SLC6A15: variants seen among roughly 807,000 people sequenced by gnomAD.
The protein encoded by SLC6A15 is solute carrier family 6 member 15, also known as sodium-dependent neutral amino acid transporter B(0)AT2.
Under a neutral mutation model 68.5 loss-of-function variants are expected in SLC6A15, and 33 were observed. The observed-to-expected ratio is 0.48, with a 90% CI of 0.37 to 0.64. The LOEUF (loss-of-function observed/expected upper bound fraction) is 0.64. Among genes scored for constraint, SLC6A15 ranks in the 30% least tolerant of loss-of-function variants. The probability of loss-of-function intolerance (pLI) is 0.00; values close to 1 mark genes in which losing one functional copy is unlikely to be tolerated. For synonymous variants in SLC6A15, 347 were observed against 301.0 expected, an observed-to-expected ratio of 1.15 and a Z score of -1.58; for missense variants, 747 against 874.3, an observed-to-expected ratio of 0.85 and a Z score of 1.84.
intron 1 of SLC6A15, among the ~76,000 whole-genome samples, chr12:84,907,305 G>T (rs568399666): frequency 6.6e-6 from 1 of 151,552 alleles, no homozygotes; most frequent in Non-Finnish European, 1.5e-5. Flanking sequence ...CTGAGATCGC[G>T]CCACTGAACT....
chr12:84,881,919 C>T (rs191668919), intron 5 of SLC6A15: 1,146 of 985,324 alleles, frequency 1.2e-3, no homozygotes, highest in Middle Eastern at 4.2e-3. Flanking sequence ...CCCATCAGTG[C>T]CTGTTAAATT....
Position 84,886,084 on chromosome 12 carries a change from C to A in SLC6A15, c.290-16G>T, listed in dbSNP as rs1555181593. On this transcript the variant is annotated splice_polypyrimidine_tract_variant and intron_variant, in intron 2 of 11. Transcript: ENST00000266682. ...AGATATGCACCTAAAGAAACAACAA[C>A]AAAAAATAGATTATATTTTCAATAC... The A allele has an allele frequency of 2.6e-6, 4 of 1,518,770 alleles. No homozygotes were observed. Among genetic ancestry groups the A allele is most frequent in the South Asian group, 1.2e-5 (1 of 85,514 alleles). 94.1% of individuals were successfully genotyped at this position (1,518,770 alleles called of 1,614,324 possible).
Position 84,885,505 on chromosome 12 carries a change from A to G in SLC6A15, c.504T>C (p.Tyr168=). The change falls in exon 4 of 12, where the codon TAT becomes TAC. Residue 168 remains tyrosine, a synonymous_variant. Coordinates refer to ENST00000266682, the MANE Select transcript of SLC6A15 (RefSeq NM_182767.6). ...GGGGTTGCTGAAAAGACTGAGAAAA[A>G]TAAAACAAACTCCAGCCAATGATGA... is the stretch of plus-strand genomic sequence containing the variant. The part of the protein sequence containing the change: ...YNVIIGWSLF[Y]FSQSFQQPLP... 1 of 1,613,682 alleles carries G rather than the reference A, an allele frequency of 6.2e-7. No individual in the cohort carries two copies. The highest frequency in any genetic ancestry group is 2.2e-5 in the East Asian group (1 of 44,790).
At chr12:84,867,240 AG>A (rs1213743579) in intron 9 of SLC6A15, 47 bp from the exon 10 acceptor site, 7 of 1,463,922 alleles carry the variant, frequency 4.8e-6, no homozygotes, top group African/African-American at 2.9e-5. Context: ...TTCAGAGACA[AG>A]GCCTTTAAAC....
intron 6 of SLC6A15, among the ~76,000 whole-genome samples, chr12:84,875,131 T>C (rs916356546): frequency 4.5e-4 from 68 of 152,276 alleles, no homozygotes; most frequent in African/African-American, 1.6e-3. Flanking sequence ...AATTGTCAGT[T>C]TAGAAAGAGA....
At chr12:84,904,235 G>GAGAGAGAGAGAA (rs1334662571) in intron 1 of SLC6A15, among the ~76,000 whole-genome samples, 2 of 151,136 alleles carry the variant, frequency 1.3e-5, no homozygotes, top group Non-Finnish European at 2.9e-5. Context: ...GAGAGAGAGA[G>GAGAGAGAGAGAA]AGAGAGAGAG....
At chr12:84,884,454 C>T (rs1026637578) in intron 4 of SLC6A15, among the ~76,000 whole-genome samples, 1 of 151,862 alleles carries the variant, frequency 6.6e-6, no homozygotes, top group South Asian at 2.1e-4. Flanking sequence ...TATAGACACC[C>T]GCCACCAAAC....
intron 4 of SLC6A15, among the ~76,000 whole-genome samples, 200 bp from the exon 5 acceptor site, chr12:84,884,240 T>C (rs1871973104): frequency 6.6e-6 from 1 of 152,214 alleles, no homozygotes. Flanking sequence ...ATATTTCTTA[T>C]GCAGTCCTGC....
At chr12:84,864,477 G>A (rs533634149) in intron 10 of SLC6A15, among the ~76,000 whole-genome samples, 3 of 151,446 alleles carry the variant, frequency 2.0e-5, no homozygotes, top group East Asian at 1.9e-4. Flanking sequence ...CCACCATCAC[G>A]CCCGGCTGAT....
chr12:84,885,271 A>G lies in SLC6A15; in HGVS notation c.574+164T>C, dbSNP rs1214715864. Among the ~76,000 whole-genome samples the G allele has an allele frequency of 3.3e-5, 5 of 152,160 alleles. No individual in the cohort carries two copies. In the East Asian group the frequency reaches 7.7e-4, roughly 23 times the overall value. ...AAAAATTAGATGGTCCCAAAAGTCT[A>G]TCTCTAAGAGTATGTCAATCCTGAA... is the stretch of plus-strand genomic sequence containing the variant. On this transcript the variant is annotated intron_variant, in intron 4 of 11. Coordinates refer to ENST00000266682, the MANE Select transcript of SLC6A15 (RefSeq NM_182767.6).
At chr12:84,889,345 C>T (rs1468857522) in intron 2 of SLC6A15, among the ~76,000 whole-genome samples, 1 of 151,876 alleles carries the variant, frequency 6.6e-6, no homozygotes, top group Admixed American at 6.6e-5. Flanking sequence ...AAAAAATTAG[C>T]TGGGCGCGGT....
At chr12:84,882,502 A>G (rs1034794559) in intron 5 of SLC6A15, 5 of 898,014 alleles carry the variant, frequency 5.6e-6, no homozygotes, top group Non-Finnish European at 6.7e-6. Context: ...AAAAGTCACT[A>G]AAATTTTTAA....
chr12:84,897,655 A>G (rs1278148214), intron 1 of SLC6A15, among the ~76,000 whole-genome samples: 3 of 152,148 alleles, frequency 2.0e-5, no homozygotes, highest in Non-Finnish European at 4.4e-5. Context: ...TTTCAATAAA[A>G]CTAAGAGAAA....
intron 2 of SLC6A15, among the ~76,000 whole-genome samples, chr12:84,891,455 C>A (rs558382006): frequency 2.0e-5 from 3 of 152,226 alleles, no homozygotes; most frequent in South Asian, 2.1e-4. Flanking sequence ...AGAGAAAATT[C>A]TCTGTTTTCC....
rs1196645189 is a variant in SLC6A15, at chr12:84,890,361, C to A, written c.289+1471G>T. On this transcript the variant is annotated intron_variant, in intron 2 of 11. Transcript: ENST00000266682. ...CAACCTGACTTTTCAGCCAAATCAGCTATCCTCCTTAATAGTGTGGTCAAT... is the reference window on the plus strand; with the variant it reads ...CAACCTGACTTTTCAGCCAAATCAGATATCCTCCTTAATAGTGTGGTCAAT... Among the ~76,000 whole-genome samples the A allele has an allele frequency of 3.9e-5, 6 of 152,040 alleles. No homozygotes were observed. The East Asian group carries it at 9.6e-4, about 24-fold the overall frequency.
At position 84,876,105 on chromosome 12, in the gene SLC6A15, A is replaced by G. The variant is rs1472220364; in HGVS notation, c.867+392T>C. Among the ~76,000 whole-genome samples the G allele has an allele frequency of 5.4e-5, 8 of 148,318 alleles. No individual in the cohort carries two copies. The South Asian group carries it at 8.5e-4, about 16-fold the overall frequency. On this transcript the variant is annotated intron_variant, in intron 6 of 11. Transcript: ENST00000266682. ...AATATGTTCATTTTTTTTTTTGGGA[A>G]AAAAAATCCTCGTCACTTTTTCAAA...
chr12:84,859,936 C>T lies in SLC6A15; in HGVS notation c.*1696G>A, dbSNP rs113574195. ...CCTTTAAAGATGGAGAATGGATGGC[C>T]AGGAGAAATGTTGGATGAGAACTTA... is the stretch of plus-strand genomic sequence containing the variant. On this transcript the variant is annotated 3_prime_UTR_variant, in exon 12 of 12. Transcript: ENST00000266682. The T allele has an allele frequency of 5.9e-5, 9 of 151,906 alleles. No individual in the cohort carries two copies. The highest frequency in any genetic ancestry group is 1.9e-4 in the African/African-American group (8 of 41,384). The allele number at this position is 151,906 out of a possible 1,614,324, so 9.4% of individuals were successfully genotyped here.
At chr12:84,881,623 C>T in intron 5 of SLC6A15, 1 of 985,290 alleles carries the variant, frequency 1.0e-6, no homozygotes, top group Non-Finnish European at 1.2e-6. Context: ...GCATGTATGA[C>T]TGTGTGTTTT....
intron 1 of SLC6A15, among the ~76,000 whole-genome samples, chr12:84,907,016 T>C (rs1002068754): frequency 6.6e-6 from 1 of 151,222 alleles, no homozygotes; most frequent in African/African-American, 2.4e-5. Flanking sequence ...TATTTGAAGG[T>C]CACAAATGAC....
Sources: gnomAD v4.1 joint callset for allele counts (sites outside exome capture counted in the v4.1 genomes callset) on GRCh38, gnomAD v4.1.1 for gene constraint, MANE v1.5 for transcripts, NCBI Gene and HGNC (gene_info 2026-07-23, HGNC 2026-07-21) for gene names.